The following FBLN2 variants were observed in gnomAD, a reference collection of about 807,000 sequenced individuals.
FBLN2 encodes the protein fibulin 2.
FBLN2 carries 81 observed loss-of-function variants against 123.7 expected under a neutral mutation model. The ratio of observed to expected loss-of-function variants is 0.65; its 90% CI spans 0.55 to 0.79. The LOEUF (loss-of-function observed/expected upper bound fraction) is 0.79, where lower values mean the gene tolerates loss of function less well. FBLN2 is among the 30% of genes least tolerant of loss of function. The pLI is 0.00. For missense variants in FBLN2, 1,603 were observed against 1,681.3 expected (o/e 0.95, Z 0.81); for synonymous variants, 699 against 701.4 (o/e 1.00, Z 0.05).
At chr3:13,563,230 T>C (rs912458803) in intron 1 of FBLN2, among the ~76,000 whole-genome samples, 1 of 152,202 alleles carries the variant, frequency 6.6e-6, no homozygotes, top group African/African-American at 2.4e-5. Flanking sequence ...TGGCTGTGTG[T>C]CTGTGCTCAG....
chr3:13,592,151 G>A (rs1322172899), intron 2 of FBLN2, among the ~76,000 whole-genome samples: 2 of 151,112 alleles, frequency 1.3e-5, no homozygotes, highest in South Asian at 2.1e-4. Context: ...TCAGCCTCCC[G>A]AGTAGCTGGG....
chr3:13,614,198 G>C, intron 5 of FBLN2, 34 bp downstream of exon 5: 1 of 1,594,244 alleles, frequency 6.3e-7, no homozygotes, highest in Non-Finnish European at 8.5e-7. Context: ...GCGGCATATA[G>C]GGCGAAGGCT....
intron 1 of FBLN2, among the ~76,000 whole-genome samples, chr3:13,552,594 G>C (rs1027612122): frequency 6.6e-6 from 1 of 152,140 alleles, no homozygotes; most frequent in Admixed American, 6.5e-5. Flanking sequence ...AGACAGAGGC[G>C]CTGCTCCTGT....
chr3:13,618,056 AG>A lies in FBLN2; in HGVS notation c.1730-19del. The A allele has an allele frequency of 2.5e-6, 4 of 1,610,998 alleles. No individual in the cohort carries two copies. The highest frequency in any genetic ancestry group is 3.4e-6 in the Non-Finnish European group (4 of 1,179,154). On this transcript the variant is annotated intron_variant, in intron 5 of 17. Coordinates refer to ENST00000404922, the MANE Select transcript of FBLN2 (RefSeq NM_001004019.2). ...CTCTGACCAAGCTGGCTCTGTCTTG[AG>A]CTCTAACCCCTGTCCTAGTTTCAGA...
intron 1 of FBLN2, among the ~76,000 whole-genome samples, chr3:13,562,226 C>T (rs1415471027): frequency 1.3e-5 from 2 of 152,172 alleles, no homozygotes; most frequent in Non-Finnish European, 2.9e-5. Flanking sequence ...CCCTTATTTC[C>T]TGTCCATCTT....
chr3:13,594,035 G>A (rs1044548735), intron 2 of FBLN2, among the ~76,000 whole-genome samples: 1 of 152,190 alleles, frequency 6.6e-6, no homozygotes, highest in African/African-American at 2.4e-5. Flanking sequence ...CTTGTAAAAT[G>A]TATAGACTTT....
chr3:13,592,644 G>A (rs1430513389), intron 2 of FBLN2, among the ~76,000 whole-genome samples: 1 of 152,116 alleles, frequency 6.6e-6, no homozygotes, highest in Non-Finnish European at 1.5e-5. Context: ...TATTCAGGTT[G>A]TTTTTATTTT....
chr3:13,609,688 G>GGGGGGC, intron 4 of FBLN2, 46 bp downstream of exon 4: 5 of 512,596 alleles, frequency 9.8e-6, no homozygotes, highest in Non-Finnish European at 1.8e-5. Flanking sequence ...GTGGGGCGGG[G>GGGGGGC]CGGGAGGCTG....
chr3:13,636,890 A>G (rs1306799498), intron 17 of FBLN2, among the ~76,000 whole-genome samples: 1 of 152,194 alleles, frequency 6.6e-6, no homozygotes, highest in Non-Finnish European at 1.5e-5. Flanking sequence ...TTTGTCACGC[A>G]GTGTCTGAGG....
chr3:13,618,524 G>T (rs568893325), intron 6 of FBLN2, among the ~76,000 whole-genome samples: 2 of 152,210 alleles, frequency 1.3e-5, no homozygotes, highest in African/African-American at 2.4e-5. Flanking sequence ...ATATTCGAGC[G>T]CAGGGACAGG....
Position 13,570,604 on chromosome 3 carries a change from G to A in FBLN2, c.249G>A (p.Val83=). The A allele has an allele frequency of 6.3e-7, 1 of 1,576,094 alleles. No homozygotes were observed. Among genetic ancestry groups the A allele is most frequent in the East Asian group, 2.3e-5 (1 of 42,868 alleles). ...AGGGTGGCTTCGTGCGCGGCCGCGT[G>A]CCCGCCGGTCAGTCCTATTTTGTGG... is the stretch of plus-strand genomic sequence containing the variant. ...CLQGGFVRGR[V]PAGQSYFVDF... is the part of the protein sequence containing the mutation. Residue 83 remains valine (V), a synonymous_variant, in exon 2 of 18, where the codon GTG becomes GTA. Transcript: ENST00000404922.
At chr3:13,561,598 A>G (rs1703608467) in intron 1 of FBLN2, among the ~76,000 whole-genome samples, 1 of 152,150 alleles carries the variant, frequency 6.6e-6, no homozygotes, top group South Asian at 2.1e-4. Flanking sequence ...CATGGCCACC[A>G]CATTTTTGCA....
chr3:13,603,128 G>C (rs1203300645), intron 2 of FBLN2, among the ~76,000 whole-genome samples: 1 of 151,686 alleles, frequency 6.6e-6, no homozygotes, highest in Non-Finnish European at 1.5e-5. Flanking sequence ...GGCTAGGCTG[G>C]TCTTGAACTC....
chr3:13,571,278 CCA>C lies in FBLN2; in HGVS notation c.925_926del (p.Thr309TyrfsTer28). On this transcript the variant is annotated frameshift_variant, in exon 2 of 18. Transcript: ENST00000404922. LOFTEE classifies it high-confidence loss of function. ...GGCCACAGGGGGCTGGATGGGCTGC[CCA>C]CTACAGCCCCAGCTGGACCCAGTCT... is the stretch of plus-strand genomic sequence containing the variant. 6.4e-7 allele frequency: 1 copy of C among 1,572,102 alleles called. No homozygotes were observed. The highest frequency in any genetic ancestry group is 8.6e-7 in the Non-Finnish European group (1 of 1,159,456).
chr3:13,618,333 T>A (rs766773087), intron 6 of FBLN2, 48 bp downstream of exon 6: 29 of 1,582,770 alleles, frequency 1.8e-5, no homozygotes, highest in Non-Finnish European at 2.4e-5. Flanking sequence ...GGGCTGATCT[T>A]GCCAGGGGGT....
At chr3:13,551,208 G>T (rs1045718932) in intron 1 of FBLN2, among the ~76,000 whole-genome samples, 1 of 152,232 alleles carries the variant, frequency 6.6e-6, no homozygotes, top group Non-Finnish European at 1.5e-5. Context: ...GGTCCTCCAT[G>T]CATGGCTGGG....
chr3:13,614,186 C>G (rs774938751), intron 5 of FBLN2, 22 bp downstream of exon 5: 1 of 1,604,496 alleles, frequency 6.2e-7, no homozygotes, highest in Non-Finnish European at 8.5e-7. Context: ...TCTTCCCTGG[C>G]TGCGGCATAT....
chr3:13,562,810 C>T (rs1333313110), intron 1 of FBLN2, among the ~76,000 whole-genome samples: 1 of 152,232 alleles, frequency 6.6e-6, no homozygotes, highest in African/African-American at 2.4e-5. Flanking sequence ...CCTCCAGCCC[C>T]TGCACCCACC....
At chr3:13,621,419 G>A (rs1044208183) in intron 8 of FBLN2, among the ~76,000 whole-genome samples, 5 of 152,136 alleles carry the variant, frequency 3.3e-5, no homozygotes, top group African/African-American at 1.2e-4. Flanking sequence ...TGGCTGGCCT[G>A]GTCCCCTAAG....
Sources: allele counts gnomAD v4.1 joint callset (sites outside exome capture counted in the v4.1 genomes callset), GRCh38; gene constraint gnomAD v4.1.1; transcripts MANE v1.5; gene names NCBI Gene and HGNC (gene_info 2026-07-23, HGNC 2026-07-21).